EXOC6B: variants seen among roughly 807,000 people sequenced by gnomAD.
The protein encoded by EXOC6B is SEC15 homolog B.
EXOC6B carries 54 observed loss-of-function variants against 113.5 expected under a neutral mutation model. The ratio of observed to expected loss-of-function variants is 0.48; its 90% CI spans 0.38 to 0.60. EXOC6B has a LOEUF of 0.60. Among genes scored for constraint, EXOC6B ranks in the 20% least tolerant of loss-of-function variants. The pLI is 0.00. For synonymous variants in EXOC6B, 357 were observed against 339.0 expected, an observed-to-expected ratio of 1.05 and a Z score of -0.58; for missense variants, 797 against 977.5, an observed-to-expected ratio of 0.82 and a Z score of 2.46.
At chr2:72,595,255 T>G (rs1050792986) in intron 6 of EXOC6B, among the ~76,000 whole-genome samples, 4 of 149,026 alleles carry the variant, frequency 2.7e-5, no homozygotes, top group Middle Eastern at 7.1e-3. Context: ...AGCAAGATTC[T>G]GTCTCAAATA....
intron 20 of EXOC6B, among the ~76,000 whole-genome samples, chr2:72,326,279 A>G (rs567504368): frequency 2.6e-5 from 4 of 152,204 alleles, no homozygotes; most frequent in African/African-American, 9.6e-5. Context: ...TGTCTCAAAA[A>G]CTTTCAAATT....
intron 19 of EXOC6B, among the ~76,000 whole-genome samples, chr2:72,377,841 TTG>T (rs1691446816): frequency 6.6e-6 from 1 of 152,118 alleles, no homozygotes; most frequent in Non-Finnish European, 1.5e-5. Flanking sequence ...AAAGGAGACT[TTG>T]TTTTTTTAAC....
intron 1 of EXOC6B, among the ~76,000 whole-genome samples, chr2:72,797,812 A>AAATTAATT (rs201097534): frequency 1.1e-4 from 17 of 151,834 alleles, no homozygotes; most frequent in African/African-American, 3.4e-4. Flanking sequence ...CTTCGTCTCA[A>AAATTAATT]AATTAATTAA....
chr2:72,431,485 T>TTATC (rs3062440), intron 18 of EXOC6B, among the ~76,000 whole-genome samples: 33,872 of 133,624 alleles, frequency 0.25, 4,437 homozygotes, highest in Non-Finnish European at 0.27. Flanking sequence ...CTTGATTTCT[T>TTATC]TATCTATCTA....
At chr2:72,778,419 T>C (rs989938664) in intron 1 of EXOC6B, among the ~76,000 whole-genome samples, 1 of 152,196 alleles carries the variant, frequency 6.6e-6, no homozygotes, top group Admixed American at 6.5e-5. Flanking sequence ...ATTATTTCTA[T>C]TTTAGAGGTT....
chr2:72,718,962 G>T (rs1254424367), intron 5 of EXOC6B, among the ~76,000 whole-genome samples: 2 of 152,176 alleles, frequency 1.3e-5, no homozygotes. Context: ...AGAAAAGCTT[G>T]GCAAATCTTC....
chr2:72,265,028 G>T (rs928675900), intron 20 of EXOC6B, among the ~76,000 whole-genome samples: 1 of 151,896 alleles, frequency 6.6e-6, no homozygotes, highest in African/African-American at 2.4e-5. Flanking sequence ...AGCGACTTTG[G>T]AACTAGGTAA....
intron 20 of EXOC6B, among the ~76,000 whole-genome samples, chr2:72,318,933 T>C (rs896002879): frequency 1.3e-5 from 2 of 151,598 alleles, no homozygotes; most frequent in South Asian, 4.2e-4. Flanking sequence ...TAAGAACCTA[T>C]GTTGGTTGGG....
intron 5 of EXOC6B, among the ~76,000 whole-genome samples, chr2:72,719,643 T>C (rs1679868064): frequency 6.6e-6 from 1 of 152,242 alleles, no homozygotes; most frequent in Non-Finnish European, 1.5e-5. Flanking sequence ...GAAACCTTAC[T>C]CACTCAAGTT....
intron 1 of EXOC6B, among the ~76,000 whole-genome samples, chr2:72,778,823 C>T (rs114167670): frequency 0.015 from 2,218 of 151,966 alleles, 73 homozygotes; most frequent in African/African-American, 0.052. Context: ...TTAAGATCAC[C>T]GAGTTCCAAA....
At chr2:72,435,368 G>A (rs1161635288) in intron 18 of EXOC6B, among the ~76,000 whole-genome samples, 1 of 152,142 alleles carries the variant, frequency 6.6e-6, no homozygotes, top group African/African-American at 2.4e-5. Context: ...GTGCTGAGAA[G>A]AGTGTATATT....
At position 72,733,107 on chromosome 2, in the gene EXOC6B, C is replaced by T. The variant is rs1363425758; in HGVS notation, c.291G>A (p.Thr97=). The T allele has an allele frequency of 1.3e-6, 2 of 1,591,384 alleles. No individual in the cohort carries two copies. The highest frequency in any genetic ancestry group is 1.3e-5 in the African/African-American group (1 of 74,558). The part of the protein sequence containing the change: ...GEAQKLKNQV[T]DTNRKLQHEG... ...CATGTTGTAGTTTTCTATTAGTATC[C>T]GTCACTTGATTCTGTGGAGAGAAGA... Residue 97 remains threonine (T), a synonymous_variant, in exon 3 of 22, where the codon ACG becomes ACA. Transcript: ENST00000272427.
At chr2:72,463,303 T>C (rs1697823850) in intron 18 of EXOC6B, 1 of 152,136 alleles carries the variant, frequency 6.6e-6, no homozygotes, top group Non-Finnish European at 1.5e-5. Flanking sequence ...TGACATAATT[T>C]TCTGCAGATA....
At chr2:72,541,100 C>T (rs1573356715) in intron 8 of EXOC6B, among the ~76,000 whole-genome samples, 1 of 152,136 alleles carries the variant, frequency 6.6e-6, no homozygotes, top group Non-Finnish European at 1.5e-5. Flanking sequence ...ATCATGGAGG[C>T]TGGTCTTTCC....
intron 20 of EXOC6B, among the ~76,000 whole-genome samples, chr2:72,270,590 A>AT (rs1573139847): frequency 2.0e-5 from 3 of 152,154 alleles, no homozygotes; most frequent in African/African-American, 7.2e-5. Context: ...AGAACACATC[A>AT]TAAGTATCTG....
At chr2:72,409,798 G>C (rs1444992173) in intron 18 of EXOC6B, among the ~76,000 whole-genome samples, 1 of 151,918 alleles carries the variant, frequency 6.6e-6, no homozygotes, top group African/African-American at 2.4e-5. Flanking sequence ...AGCACACCAA[G>C]ATGGCACATG....
chr2:72,692,520 T>A (rs1677566928), intron 6 of EXOC6B, among the ~76,000 whole-genome samples: 1 of 151,792 alleles, frequency 6.6e-6, no homozygotes, highest in South Asian at 2.1e-4. Flanking sequence ...CCCGGCTAAT[T>A]TTTTGTATTT....
chr2:72,707,287 T>A (rs1262014498), intron 6 of EXOC6B, among the ~76,000 whole-genome samples: 6 of 152,324 alleles, frequency 3.9e-5, no homozygotes, highest in South Asian at 4.1e-4. Context: ...ACCTGGAATA[T>A]CTTACACAGC....
intron 20 of EXOC6B, among the ~76,000 whole-genome samples, chr2:72,262,761 C>T (rs1341008322): frequency 1.3e-5 from 2 of 152,108 alleles, no homozygotes; most frequent in African/African-American, 4.8e-5. Context: ...CCACCTCCCA[C>T]AAGTTTTGCA....
Sources: allele counts gnomAD v4.1 joint callset (sites outside exome capture counted in the v4.1 genomes callset), GRCh38; gene constraint gnomAD v4.1.1; transcripts MANE v1.5; gene names NCBI Gene and HGNC (gene_info 2026-07-23, HGNC 2026-07-21).